Variants in THADA observed in about 807,000 individuals in gnomAD.
THADA encodes the protein THADA armadillo repeat containing.
THADA carries 213 observed loss-of-function variants against 219.8 expected under a neutral mutation model. That is an observed-to-expected ratio of 0.97 (90% CI 0.87 to 1.09). THADA has a LOEUF of 1.09. Ranked by LOEUF, THADA falls within the 50% of genes least tolerant of loss-of-function variation. The probability of loss-of-function intolerance (pLI) is 0.00; values close to 1 mark genes in which losing one functional copy is unlikely to be tolerated. For missense variants in THADA, 2,956 were observed against 2,311.3 expected, an observed-to-expected ratio of 1.28 and a Z score of -5.72; for synonymous variants, 1,018 against 828.9, an observed-to-expected ratio of 1.23 and a Z score of -3.92.
intron 30 of THADA, among the ~76,000 whole-genome samples, chr2:43,321,243 C>T (rs1678669764): frequency 6.6e-6 from 1 of 152,154 alleles, no homozygotes; most frequent in Admixed American, 6.5e-5. Context: ...CATGAAAAGG[C>T]CAAAACGTCT....
chr2:43,566,636 T>C (rs1180003104), intron 15 of THADA, 62 bp downstream of exon 15: 1 of 1,557,504 alleles, frequency 6.4e-7, no homozygotes, highest in Admixed American at 1.7e-5. Context: ...AAGCAAAATG[T>C]AGAATAAGTA....
intron 29 of THADA, among the ~76,000 whole-genome samples, chr2:43,361,163 T>C (rs6751209): frequency 0.24 from 36,687 of 152,034 alleles, 5,295 homozygotes; most frequent in African/African-American, 0.39. Context: ...AAAATGTCAA[T>C]TGTGCTGAGG....
At chr2:43,469,679 A>C (rs1464113029) in intron 26 of THADA, among the ~76,000 whole-genome samples, 1 of 151,718 alleles carries the variant, frequency 6.6e-6, no homozygotes, top group East Asian at 1.9e-4. Flanking sequence ...CAAAAAATCC[A>C]AAAAAACATG....
intron 21 of THADA, among the ~76,000 whole-genome samples, chr2:43,535,639 G>C (rs1340081454): frequency 8.5e-6 from 1 of 117,784 alleles, no homozygotes; most frequent in Non-Finnish European, 1.6e-5. Flanking sequence ...CCGAGACAGC[G>C]CCACTGCACT....
In THADA at chr2:43,232,887, A is replaced by G; in HGVS notation, c.5297-5T>C. ...CCACCTGGCAGAAGGCAAACTCTGC[A>G]AAGACAGGAGAAAGGTGAGCAATGA... On this transcript the variant is annotated splice_polypyrimidine_tract_variant and splice_region_variant and intron_variant, in intron 36 of 37. Transcript: ENST00000405975. 6.2e-7 allele frequency: 1 copy of G among 1,606,456 alleles called. No individual in the cohort carries two copies. Among genetic ancestry groups the G allele is most frequent in the Non-Finnish European group, 8.5e-7 (1 of 1,176,860 alleles).
intron 36 of THADA, among the ~76,000 whole-genome samples, chr2:43,235,493 AT>A (rs1406699890): frequency 6.6e-6 from 1 of 151,702 alleles, no homozygotes; most frequent in East Asian, 2.0e-4. Flanking sequence ...GGGTTTCTCC[AT>A]GTTAGTCAGG....
At position 43,498,917 on chromosome 2, in the gene THADA, A is replaced by T; in HGVS notation, c.3660T>A (p.Asp1220Glu). 1 of 1,591,784 alleles carries T rather than the reference A, an allele frequency of 6.3e-7. No individual in the cohort carries two copies. The highest frequency in any genetic ancestry group is 1.3e-5 in the African/African-American group (1 of 74,758). Residue 1220 changes from aspartate to glutamate, a missense_variant, in exon 25 of 38, where the codon GAT (aspartate) becomes GAA (glutamate). By Grantham distance (45) the Asp-to-Glu change is conservative (BLOSUM62 2). Coordinates refer to ENST00000405975, the MANE Select transcript of THADA (RefSeq NM_022065.5). ...ALNILRALFRDTRLGENIIPY... is the reference protein window; with the variant it reads ...ALNILRALFRETRLGENIIPY... The stretch of plus-strand genomic sequence containing the variant: ...GAATAATATTTTCTCCCAGGCGCGT[A>T]TCTCTGAACAATGCTCTAAGGATAT...
rs766028302 is a variant in THADA, at chr2:43,571,771, A to T, written c.2000T>A (p.Ile667Asn). 6.2e-7 allele frequency: 1 copy of T among 1,613,906 alleles called. No homozygotes were observed. The change falls in exon 13 of 38, where the codon ATT (isoleucine) becomes AAT (asparagine). Residue 667 changes from isoleucine to asparagine, a missense_variant. By Grantham distance (149) the Ile-to-Asn change is moderately radical. Coordinates refer to ENST00000405975, the MANE Select transcript of THADA (RefSeq NM_022065.5). ...AGACTGGCTGTTAAGATTGTATGTA[A>T]TAAAGAACTGAATCCACTGCATTTC... ...MEEMQWIQFF[I>N]TYNLNSQSPG... is the part of the protein sequence containing the mutation.
intron 14 of THADA, among the ~76,000 whole-genome samples, chr2:43,569,364 A>C (rs1699042727): frequency 6.6e-6 from 1 of 152,214 alleles, no homozygotes; most frequent in African/African-American, 2.4e-5. Context: ...GGAGAGATAT[A>C]TAGTCTACAA....
chr2:43,558,181 G>A (rs897984850), intron 16 of THADA, among the ~76,000 whole-genome samples: 2 of 152,158 alleles, frequency 1.3e-5, no homozygotes, highest in African/African-American at 4.8e-5. Context: ...TCCAAAGAAG[G>A]AGAGTAACCT....
At chr2:43,545,057 T>C (rs981880224) in intron 20 of THADA, among the ~76,000 whole-genome samples, 3 of 152,150 alleles carry the variant, frequency 2.0e-5, no homozygotes, top group African/African-American at 7.2e-5. Context: ...CCCATCAATA[T>C]CTAATTTATT....
intron 34 of THADA, among the ~76,000 whole-genome samples, chr2:43,288,351 G>A (rs1465115398): frequency 6.6e-6 from 1 of 152,268 alleles, no homozygotes; most frequent in Non-Finnish European, 1.5e-5. Flanking sequence ...CCAGGGGGCG[G>A]AGGCTGCAGT....
At chr2:43,536,244 G>A (rs919727258) in intron 21 of THADA, among the ~76,000 whole-genome samples, 3 of 152,090 alleles carry the variant, frequency 2.0e-5, no homozygotes, top group Non-Finnish European at 2.9e-5. Flanking sequence ...AGCCTTTATC[G>A]AAAATCAGTT....
chr2:43,374,209 G>A (rs1313051424), intron 29 of THADA, among the ~76,000 whole-genome samples: 1 of 152,114 alleles, frequency 6.6e-6, no homozygotes, highest in African/African-American at 2.4e-5. Flanking sequence ...ATATTCTTGG[G>A]GAAAGCCCAA....
intron 26 of THADA, among the ~76,000 whole-genome samples, chr2:43,457,183 CAT>C (rs1248048159): frequency 4.0e-4 from 48 of 120,742 alleles, no homozygotes; most frequent in East Asian, 1.1e-3. Context: ...CACACACACA[CAT>C]GCACAGTGAG....
intron 16 of THADA, among the ~76,000 whole-genome samples, chr2:43,556,912 ACT>A (rs1697427859): frequency 1.3e-5 from 2 of 151,814 alleles, no homozygotes; most frequent in South Asian, 4.2e-4. Context: ...CTCTACAAAA[ACT>A]CTACGAAAAA....
At chr2:43,510,111 T>A (rs1454412482) in intron 22 of THADA, among the ~76,000 whole-genome samples, 1 of 152,184 alleles carries the variant, frequency 6.6e-6, no homozygotes, top group Non-Finnish European at 1.5e-5. Context: ...AGATAATAGA[T>A]AACATCAAGA....
intron 29 of THADA, among the ~76,000 whole-genome samples, chr2:43,355,194 CAA>C (rs1355158713): frequency 1.3e-5 from 2 of 152,284 alleles, no homozygotes; most frequent in African/African-American, 4.8e-5. Context: ...CTGTAATAAA[CAA>C]GAGAGTGCAA....
At chr2:43,545,670 T>A (rs1360424439) in intron 20 of THADA, among the ~76,000 whole-genome samples, 1 of 152,174 alleles carries the variant, frequency 6.6e-6, no homozygotes, top group East Asian at 1.9e-4. Flanking sequence ...TAGAAGTGTT[T>A]GTAGTATTCT....
Sources: gnomAD v4.1 joint callset for allele counts (sites outside exome capture counted in the v4.1 genomes callset) on GRCh38, gnomAD v4.1.1 for gene constraint, MANE v1.5 for transcripts, NCBI Gene and HGNC (gene_info 2026-07-23, HGNC 2026-07-21) for gene names.